Variants in OXCT1 observed in about 807,000 individuals in gnomAD.
OXCT1 encodes the protein 3-oxoacid CoA-transferase 1, also known as succinyl-CoA:3-ketoacid coenzyme A transferase 1, mitochondrial.
A neutral mutation model predicts 69.6 loss-of-function variants in OXCT1; 27 were observed. That is an observed-to-expected ratio of 0.39 (90% CI 0.29 to 0.54). The LOEUF (loss-of-function observed/expected upper bound fraction) is 0.54, where lower values mean the gene tolerates loss of function less well. Among genes scored for constraint, OXCT1 ranks in the 20% least tolerant of loss-of-function variants. OXCT1 has a pLI of 0.72. For missense variants in OXCT1, 437 were observed against 650.2 expected, an observed-to-expected ratio of 0.67 and a Z score of 3.57; for synonymous variants, 202 against 217.8, an observed-to-expected ratio of 0.93 and a Z score of 0.64.
chr5:41,869,961 A>G lies in OXCT1; in HGVS notation c.78+320T>C. 9.6e-6 allele frequency: 4 copies of G among 415,344 alleles called. No homozygotes were observed. The East Asian group carries it at 2.1e-4, about 22-fold the overall frequency. 25.7% of individuals were successfully genotyped at this position (415,344 alleles called of 1,614,324 possible). A position where few individuals can be genotyped will look rare whatever the true frequency, so the allele number is the denominator to read the frequency against. On this transcript the variant is annotated intron_variant, in intron 1 of 16. Transcript: ENST00000196371. ...GAGTCCCTATCCAAGGGCGGGTGCC[A>G]GGAGGGAAGCCGACGAGCGCCAAAG...
chr5:41,859,043 C>T (rs1432909802), intron 3 of OXCT1, among the ~76,000 whole-genome samples: 3 of 152,162 alleles, frequency 2.0e-5, no homozygotes, highest in South Asian at 2.1e-4. Context: ...TTCTGAGTAA[C>T]GAGATGAGCT....
At chr5:41,753,590 C>G (rs1743917817) in intron 14 of OXCT1, among the ~76,000 whole-genome samples, 2 of 152,114 alleles carry the variant, frequency 1.3e-5, no homozygotes, top group Admixed American at 1.3e-4. Flanking sequence ...ATCCAGCATC[C>G]TCATCTGGTG....
At chr5:41,741,566 C>T (rs561061471) in intron 15 of OXCT1, among the ~76,000 whole-genome samples, 2 of 152,264 alleles carry the variant, frequency 1.3e-5, no homozygotes, top group East Asian at 3.9e-4. Flanking sequence ...CTTTTCACTC[C>T]TTAGTAGCTT....
chr5:41,771,068 C>T (rs1744851096), intron 13 of OXCT1, among the ~76,000 whole-genome samples: 2 of 152,112 alleles, frequency 1.3e-5, no homozygotes, highest in Admixed American at 1.3e-4. Context: ...CCAGACAAAC[C>T]ACTTTATGCA....
intron 16 of OXCT1, among the ~76,000 whole-genome samples, chr5:41,737,104 T>C (rs1383855628): frequency 1.3e-5 from 2 of 152,174 alleles, no homozygotes; most frequent in Non-Finnish European, 2.9e-5. Flanking sequence ...TCTGTCAGAG[T>C]GTAAAGAGAT....
At chr5:41,868,706 G>A (rs1750125394) in intron 1 of OXCT1, among the ~76,000 whole-genome samples, 1 of 151,000 alleles carries the variant, frequency 6.6e-6, no homozygotes. Context: ...CTGGGCGACA[G>A]AGCGAGACTC....
chr5:41,773,619 C>G (rs905317787), intron 13 of OXCT1, among the ~76,000 whole-genome samples: 1 of 147,606 alleles, frequency 6.8e-6, no homozygotes, highest in African/African-American at 2.5e-5. Flanking sequence ...CCGCCCACCC[C>G]CACCCCTCTG....
At chr5:41,732,079 G>C (rs1300550729) in intron 16 of OXCT1, among the ~76,000 whole-genome samples, 1 of 152,200 alleles carries the variant, frequency 6.6e-6, no homozygotes, top group Non-Finnish European at 1.5e-5. Context: ...CCCCCTGTCA[G>C]ATGGATCACT....
intron 7 of OXCT1, among the ~76,000 whole-genome samples, chr5:41,810,502 T>C (rs1454579479): frequency 6.6e-6 from 1 of 152,000 alleles, no homozygotes; most frequent in Non-Finnish European, 1.5e-5. Context: ...GCCCCACCAC[T>C]TGCTACAACC....
At chr5:41,809,020 T>C (rs937172601) in intron 7 of OXCT1, among the ~76,000 whole-genome samples, 1 of 152,028 alleles carries the variant, frequency 6.6e-6, no homozygotes, top group Non-Finnish European at 1.5e-5. Flanking sequence ...AATAGGGAAA[T>C]GGTCAAATAA....
rs537741611 is a variant in OXCT1, at chr5:41,832,285, T to C, written c.732+8166A>G. On this transcript the variant is annotated intron_variant, in intron 7 of 16. Transcript: ENST00000196371. ...ACCACAGTCCCAGTGGTGGTGGCCA[T>C]AGGGATGTGTTTGTATCACCACACC... 4.6e-5 allele frequency among the ~76,000 whole-genome samples: 7 copies of C among 151,926 alleles called. No individual in the cohort carries two copies. In the South Asian group the frequency reaches 1.2e-3, roughly 27 times the overall value.
intron 7 of OXCT1, among the ~76,000 whole-genome samples, chr5:41,837,054 T>C (rs1309259613): frequency 6.6e-6 from 1 of 152,180 alleles, no homozygotes; most frequent in Non-Finnish European, 1.5e-5. Flanking sequence ...AGATGTATGT[T>C]CCTTTGCCAC....
intron 13 of OXCT1, among the ~76,000 whole-genome samples, chr5:41,788,460 T>C (rs1300360339): frequency 6.6e-6 from 1 of 152,062 alleles, no homozygotes; most frequent in Non-Finnish European, 1.5e-5. Flanking sequence ...AAAAACCTAC[T>C]TAAAAATAAA....
intron 7 of OXCT1, among the ~76,000 whole-genome samples, chr5:41,832,323 C>A (rs930518117): frequency 6.1e-5 from 9 of 147,590 alleles, no homozygotes; most frequent in African/African-American, 1.5e-4. Flanking sequence ...CAGTTCCAGG[C>A]GGTTCAGCAC....
intron 3 of OXCT1, among the ~76,000 whole-genome samples, chr5:41,857,595 C>A (rs992233340): frequency 2.0e-5 from 3 of 151,684 alleles, no homozygotes; most frequent in Non-Finnish European, 2.9e-5. Context: ...CTCTGGCTCT[C>A]TCCCTGAGAA....
chr5:41,855,741 C>G (rs1026835394), intron 3 of OXCT1, among the ~76,000 whole-genome samples: 6 of 152,102 alleles, frequency 3.9e-5, no homozygotes, highest in Non-Finnish European at 8.8e-5. Flanking sequence ...AAAATAAACA[C>G]GTAACCTATA....
intron 13 of OXCT1, among the ~76,000 whole-genome samples, chr5:41,768,004 G>C (rs1744699974): frequency 6.6e-6 from 1 of 151,834 alleles, no homozygotes; most frequent in South Asian, 2.1e-4. Flanking sequence ...TTCATCATAT[G>C]AACTGCCCCT....
chr5:41,869,802 C>T (rs915966058), intron 1 of OXCT1, among the ~76,000 whole-genome samples: 1 of 152,156 alleles, frequency 6.6e-6, no homozygotes, highest in Non-Finnish European at 1.5e-5. Flanking sequence ...CCATGGCTAA[C>T]CCAGCCTCAG....
intron 1 of OXCT1, among the ~76,000 whole-genome samples, chr5:41,868,722 CAA>C: frequency 9.8e-6 from 1 of 101,948 alleles, no homozygotes; most frequent in Non-Finnish European, 2.1e-5. Context: ...GACTCCGTCT[CAA>C]AAAAAAAAAA....
Sources: allele counts gnomAD v4.1 joint callset (sites outside exome capture counted in the v4.1 genomes callset), GRCh38; gene constraint gnomAD v4.1.1; transcripts MANE v1.5; gene names NCBI Gene and HGNC (gene_info 2026-07-23, HGNC 2026-07-21).